Variants in EYA2 observed in about 807,000 individuals in gnomAD.
EYA2 encodes protein phosphatase EYA2.
Under a neutral mutation model 69.2 loss-of-function variants are expected in EYA2, and 31 were observed. That is an observed-to-expected ratio of 0.45 (90% CI 0.34 to 0.60). The LOEUF is 0.60. Among genes scored for constraint, EYA2 ranks in the 20% least tolerant of loss-of-function variants. The pLI is 0.02. For synonymous variants in EYA2, 257 were observed against 279.4 expected, an observed-to-expected ratio of 0.92 and a Z score of 0.80; for missense variants, 622 against 701.2, an observed-to-expected ratio of 0.89 and a Z score of 1.28.
chr20:46,915,856 C>T (rs1047798830), intron 1 of EYA2, among the ~76,000 whole-genome samples: 8 of 152,106 alleles, frequency 5.3e-5, no homozygotes, highest in Non-Finnish European at 1.0e-4. Context: ...CCTCTAGTAC[C>T]CCCGGACCTG....
intron 1 of EYA2, among the ~76,000 whole-genome samples, chr20:46,931,457 C>T (rs991599589): frequency 6.6e-6 from 1 of 152,114 alleles, no homozygotes; most frequent in Non-Finnish European, 1.5e-5. Context: ...TCTCTGAAAC[C>T]CTGGCATGTT....
At chr20:47,027,696 A>G (rs962043522) in intron 5 of EYA2, among the ~76,000 whole-genome samples, 2 of 152,148 alleles carry the variant, frequency 1.3e-5, no homozygotes, top group Admixed American at 6.5e-5. Context: ...GTTCAACAGC[A>G]ATTTGCTAAG....
intron 10 of EYA2, among the ~76,000 whole-genome samples, chr20:47,163,727 AC>A (rs920382966): frequency 8.4e-5 from 11 of 130,900 alleles, no homozygotes; most frequent in Admixed American, 7.1e-4. Context: ...AAAAAAATCC[AC>A]CTCCTTTTTC....
At chr20:47,168,271 A>G (rs1370626077) in intron 10 of EYA2, among the ~76,000 whole-genome samples, 1 of 151,758 alleles carries the variant, frequency 6.6e-6, no homozygotes. Flanking sequence ...GGCTCACTAC[A>G]ACCTCCACTT....
Position 47,084,603 on chromosome 20 carries a change from A to C in EYA2, c.662-4636A>C, listed in dbSNP as rs149797956. Among the ~76,000 whole-genome samples, 4 of 152,342 alleles carry C rather than the reference A, an allele frequency of 2.6e-5. No individual in the cohort carries two copies. The East Asian group carries it at 7.7e-4, about 29-fold the overall frequency. ...TGAACAGATGATAGATGCCTCACCA[A>C]AGAAGATATAGGGATGGCCAAAAGC... is the stretch of plus-strand genomic sequence containing the variant. On this transcript the variant is annotated intron_variant, in intron 7 of 15. Transcript: ENST00000327619.
chr20:47,038,007 A>G (rs1372494555), intron 5 of EYA2, among the ~76,000 whole-genome samples: 1 of 152,258 alleles, frequency 6.6e-6, no homozygotes, highest in Non-Finnish European at 1.5e-5. Context: ...TAGGATTTAC[A>G]GCAGTGACAA....
intron 10 of EYA2, among the ~76,000 whole-genome samples, chr20:47,164,954 A>G (rs1163723549): frequency 1.3e-5 from 2 of 152,168 alleles, no homozygotes; most frequent in African/African-American, 4.8e-5. Context: ...ACAGTAGACA[A>G]GCTGCCGGCC....
chr20:47,165,758 A>T (rs1233164295), intron 10 of EYA2, among the ~76,000 whole-genome samples: 1 of 152,104 alleles, frequency 6.6e-6, no homozygotes, highest in East Asian at 1.9e-4. Context: ...GGGGCTGGAG[A>T]GGGACCAGCA....
At chr20:47,181,084 C>G in intron 14 of EYA2, 148 bp downstream of exon 14, 1 of 1,106,614 alleles carries the variant, frequency 9.0e-7, no homozygotes, top group Non-Finnish European at 1.3e-6. Context: ...AAAACAGCCC[C>G]CATAGACCAC....
intron 10 of EYA2, among the ~76,000 whole-genome samples, chr20:47,146,053 C>G (rs1349319455): frequency 6.6e-6 from 1 of 152,034 alleles, no homozygotes; most frequent in East Asian, 1.9e-4. Flanking sequence ...AGAGGACTTG[C>G]TGATAGACTA....
intron 2 of EYA2, among the ~76,000 whole-genome samples, chr20:46,996,375 T>C (rs1255637956): frequency 2.0e-5 from 3 of 152,228 alleles, no homozygotes; most frequent in African/African-American, 4.8e-5. Flanking sequence ...TAGTGATGTG[T>C]AGTTTTGTAT....
At chr20:47,182,337 G>A (rs2034552788) in intron 14 of EYA2, among the ~76,000 whole-genome samples, 1 of 149,928 alleles carries the variant, frequency 6.7e-6, no homozygotes, top group Non-Finnish European at 1.5e-5. Flanking sequence ...CTTAAAAATG[G>A]TTAAGATGGG....
chr20:46,907,574 C>G (rs981795218), intron 1 of EYA2, among the ~76,000 whole-genome samples: 1 of 152,232 alleles, frequency 6.6e-6, no homozygotes, highest in Non-Finnish European at 1.5e-5. Flanking sequence ...CGCAGTGGCT[C>G]ACACCCGTAA....
chr20:47,063,273 G>A (rs2030966064), intron 5 of EYA2, among the ~76,000 whole-genome samples: 1 of 151,960 alleles, frequency 6.6e-6, no homozygotes, highest in African/African-American at 2.4e-5. Context: ...TGTCTCTGTA[G>A]ACTATCTTAT....
At chr20:46,932,581 C>T (rs747279711) in intron 1 of EYA2, among the ~76,000 whole-genome samples, 5 of 152,118 alleles carry the variant, frequency 3.3e-5, no homozygotes, top group Non-Finnish European at 5.9e-5. Flanking sequence ...AGAGCTGATG[C>T]TGTTAAAGTG....
intron 1 of EYA2, among the ~76,000 whole-genome samples, chr20:46,958,186 C>T (rs980566384): frequency 6.6e-6 from 1 of 152,184 alleles, no homozygotes; most frequent in Non-Finnish European, 1.5e-5. Flanking sequence ...TAAATGGGTT[C>T]AGCTGCGCCT....
intron 5 of EYA2, among the ~76,000 whole-genome samples, chr20:47,055,261 C>G (rs1421854531): frequency 6.6e-6 from 1 of 152,222 alleles, no homozygotes; most frequent in African/African-American, 2.4e-5. Flanking sequence ...GTGAAAATCT[C>G]TCTCTGACGT....
chr20:47,081,693 C>A (rs1218012286), intron 7 of EYA2, among the ~76,000 whole-genome samples: 2 of 149,762 alleles, frequency 1.3e-5, no homozygotes, highest in African/African-American at 4.9e-5. Flanking sequence ...GCAGGAGAAT[C>A]ACTTGAACCT....
chr20:47,092,865 A>G (rs1280316427), intron 8 of EYA2, among the ~76,000 whole-genome samples: 3 of 152,130 alleles, frequency 2.0e-5, no homozygotes, highest in African/African-American at 7.2e-5. Flanking sequence ...AGCCCACGGG[A>G]GAGAAATTAT....
Sources: allele counts gnomAD v4.1 joint callset (sites outside exome capture counted in the v4.1 genomes callset), GRCh38; gene constraint gnomAD v4.1.1; transcripts MANE v1.5; gene names NCBI Gene and HGNC (gene_info 2026-07-23, HGNC 2026-07-21).